The following ZNF611 variants were observed in gnomAD, a reference collection of about 807,000 sequenced individuals.
ZNF611 encodes zinc finger protein 611.
ZNF611 carries 6 observed loss-of-function variants against 8.9 expected under a neutral mutation model. The ratio of observed to expected loss-of-function variants is 0.68; its 90% CI spans 0.37 to 1.34. The LOEUF (loss-of-function observed/expected upper bound fraction) is 1.34, where lower values mean the gene tolerates loss of function less well. ZNF611 is among the 40% of genes most tolerant of loss of function. ZNF611 has a pLI of 0.02. For missense variants in ZNF611, 874 were observed against 841.3 expected (o/e 1.04, Z -0.48); for synonymous variants, 262 against 279.7 (o/e 0.94, Z 0.63).
intron 3 of ZNF611, among the ~76,000 whole-genome samples, chr19:52,720,351 C>A (rs1037598766): frequency 2.0e-5 from 3 of 152,222 alleles, no homozygotes; most frequent in Admixed American, 6.5e-5. Context: ...AGGCGCCCCC[C>A]ACCTCCCCGA....
chr19:52,730,900 T>A (rs2062422025), intron 1 of ZNF611, among the ~76,000 whole-genome samples: 1 of 152,138 alleles, frequency 6.6e-6, no homozygotes. Flanking sequence ...ACTGCTTTTA[T>A]AAAGAGAGAC....
rs2062223789 is a variant in ZNF611, at chr19:52,704,139, C to G, written c.*798G>C. ...CGGAGCCACCACACCTGGCCCCATC[C>G]TCTTAACATAAACACTTGAATGTCA... is the stretch of plus-strand genomic sequence containing the variant. On this transcript the variant is annotated 3_prime_UTR_variant, in exon 6 of 6. Transcript: ENST00000652185. 1 of 353,018 alleles carries G rather than the reference C, an allele frequency of 2.8e-6. No homozygotes were observed. Among genetic ancestry groups the G allele is most frequent in the Non-Finnish European group, 5.6e-6 (1 of 177,010 alleles). 21.9% of individuals were successfully genotyped at this position (353,018 alleles called of 1,614,324 possible).
chr19:52,709,047 TA>T (rs1461460263), intron 5 of ZNF611, among the ~76,000 whole-genome samples: 1 of 152,170 alleles, frequency 6.6e-6, no homozygotes, highest in African/African-American at 2.4e-5. Flanking sequence ...AAACATTGTA[TA>T]AAACAAATTG....
At chr19:52,722,727 T>A (rs1325042890) in intron 3 of ZNF611, among the ~76,000 whole-genome samples, 5 of 152,080 alleles carry the variant, frequency 3.3e-5, no homozygotes, top group Admixed American at 3.3e-4. Context: ...GTATCCAAAG[T>A]CCCCCACCCT....
rs373367217 is a variant in ZNF611, at chr19:52,709,618, A to C, written c.191-2754T>G. 2.0e-5 allele frequency among the ~76,000 whole-genome samples: 3 copies of C among 149,876 alleles called. No homozygotes were observed. The East Asian group carries it at 6.0e-4, about 30-fold the overall frequency. On this transcript the variant is annotated intron_variant, in intron 5 of 5. Transcript: ENST00000652185. Reference sequence around the variant, plus strand: ...ATTTCGCTCTTGTTGCCCAGGCTGGAGTGCAATAGCGTGATCTAGGATCAC... The same window carrying C: ...ATTTCGCTCTTGTTGCCCAGGCTGGCGTGCAATAGCGTGATCTAGGATCAC...
At chr19:52,712,026 G>A (rs990983957) in intron 5 of ZNF611, among the ~76,000 whole-genome samples, 3 of 152,088 alleles carry the variant, frequency 2.0e-5, no homozygotes, top group African/African-American at 7.2e-5. Context: ...GTAACATATT[G>A]ACCCAAGGTT....
intron 3 of ZNF611, among the ~76,000 whole-genome samples, chr19:52,727,129 G>C (rs557798572): frequency 3.7e-4 from 57 of 152,250 alleles, no homozygotes; most frequent in African/African-American, 1.3e-3. Flanking sequence ...GCCTCCCAAA[G>C]TGCTGGGATT....
intron 5 of ZNF611, 136 bp downstream of exon 5, chr19:52,713,879 G>T: frequency 6.6e-7 from 1 of 1,516,870 alleles, no homozygotes; most frequent in Non-Finnish European, 8.8e-7. Context: ...CAATAGGAGC[G>T]AAACACCATC....
At chr19:52,732,958 TATTAATTA>T (rs35001327) in intron 1 of ZNF611, among the ~76,000 whole-genome samples, 4 of 149,182 alleles carry the variant, frequency 2.7e-5, no homozygotes, top group Non-Finnish European at 5.9e-5. Context: ...TGTCTCAAAA[TATTAATTA>T]ATTAATTAAT....
At position 52,732,823 on chromosome 19, in the gene ZNF611, T is replaced by C. The variant is rs142273039; in HGVS notation, c.-222+2178A>G. ...ACAAAAACTAGCCGGGCTTGGTGGC[T>C]CATGCCTCTGGTCTCAGCTACTCAG... On this transcript the variant is annotated intron_variant, in intron 1 of 5. Coordinates refer to ENST00000652185, the MANE Select transcript of ZNF611 (RefSeq NM_001161499.2). 3.6e-3 allele frequency among the ~76,000 whole-genome samples: 548 copies of C among 150,506 alleles called. 2 individuals carry two copies. The highest frequency in any genetic ancestry group is 0.012 in the African/African-American group (513 of 41,068).
At position 52,705,731 on chromosome 19, in the gene ZNF611, C is replaced by G. The variant is rs763053338; in HGVS notation, c.1324G>C (p.Val442Leu). The G allele has an allele frequency of 4.3e-6, 7 of 1,614,002 alleles. No homozygotes were observed. Among genetic ancestry groups the G allele is most frequent in the Non-Finnish European group, 5.9e-6 (7 of 1,179,958 alleles). The change falls in exon 6 of 6, where the codon GTA becomes CTA. Residue 442 changes from valine to leucine, a missense_variant. Transcript: ENST00000652185. Reference sequence around the variant, plus strand: ...CCACCATGAAGTCTATGATGGCATACAAGGGATGACTTGTGACTGAAGGTC... The same window carrying G: ...CCACCATGAAGTCTATGATGGCATAGAAGGGATGACTTGTGACTGAAGGTC... ...GKTFSHKSSL[V>L]CHHRLHGGEK... is the part of the protein sequence containing the mutation.
chr19:52,708,080 A>G (rs1240161112), intron 5 of ZNF611: 1 of 152,248 alleles, frequency 6.6e-6, no homozygotes, highest in Non-Finnish European at 1.5e-5. Context: ...TACAGCCTGC[A>G]GAATTCTAAA....
rs545432662 is a variant in ZNF611 at position 52,718,569 on chromosome 19, T to C, written c.-19-2656A>G. Among the ~76,000 whole-genome samples the C allele has an allele frequency of 2.0e-5, 3 of 147,800 alleles. No individual in the cohort carries two copies. The South Asian group carries it at 6.5e-4, about 32-fold the overall frequency. On this transcript the variant is annotated intron_variant, in intron 3 of 5. Coordinates refer to ENST00000652185, the MANE Select transcript of ZNF611 (RefSeq NM_001161499.2). Reference sequence around the variant, plus strand: ...ATCCCAGCACCTTGGGAGGCTGAGGTGGGAGGATCACCTGAGGTCAGGAAT... The same window carrying C: ...ATCCCAGCACCTTGGGAGGCTGAGGCGGGAGGATCACCTGAGGTCAGGAAT...
rs2062314117 is a variant in ZNF611, at chr19:52,715,922, G to C, written c.-19-9C>G. 3 of 1,604,570 alleles carry C rather than the reference G, an allele frequency of 1.9e-6. No individual in the cohort carries two copies. ...GTCTTTAGGAATCAATCCTGTATGT[G>C]AAAAAAAATGAGACTTCATGTTAGA... On this transcript the variant is annotated splice_polypyrimidine_tract_variant and intron_variant, in intron 3 of 5. Coordinates refer to ENST00000652185, the MANE Select transcript of ZNF611 (RefSeq NM_001161499.2).
chr19:52,713,876 A>G, intron 5 of ZNF611, 139 bp downstream of exon 5: 3 of 1,504,486 alleles, frequency 2.0e-6, no homozygotes, highest in Non-Finnish European at 2.7e-6. Flanking sequence ...CGGCAATAGG[A>G]GCGAAACACC....
At chr19:52,734,791 T>TA (rs1377277628) in intron 1 of ZNF611, among the ~76,000 whole-genome samples, 1 of 152,050 alleles carries the variant, frequency 6.6e-6, no homozygotes, top group Non-Finnish European at 1.5e-5. Context: ...CATTGACCTA[T>TA]AGCAGAAAGA....
At chr19:52,723,481 C>T (rs1314143814) in intron 3 of ZNF611, 1 of 152,220 alleles carries the variant, frequency 6.6e-6, no homozygotes, top group Non-Finnish European at 1.5e-5. Context: ...CTCTCAAACT[C>T]TGGACCTCAG....
chr19:52,707,722 C>T (rs1195242806), intron 5 of ZNF611, among the ~76,000 whole-genome samples: 1 of 151,902 alleles, frequency 6.6e-6, no homozygotes, highest in Non-Finnish European at 1.5e-5. Flanking sequence ...GCAGCCTCTG[C>T]CTCCTGGGTT....
At chr19:52,717,699 G>C in intron 3 of ZNF611, 2 of 984,788 alleles carry the variant, frequency 2.0e-6, no homozygotes, top group South Asian at 4.7e-5. Context: ...CATCTGTAGA[G>C]AATATTATGG....
Sources: allele counts gnomAD v4.1 joint callset (sites outside exome capture counted in the v4.1 genomes callset), GRCh38; gene constraint gnomAD v4.1.1; transcripts MANE v1.5; gene names NCBI Gene and HGNC (gene_info 2026-07-23, HGNC 2026-07-21).